The following NRXN3 variants were observed in gnomAD, a reference collection of about 807,000 sequenced individuals.
NRXN3 encodes the protein neurexin 3.
In NRXN3, 32 loss-of-function variants were observed where a neutral mutation model predicts 137.6. That is an observed-to-expected ratio of 0.23 (90% CI 0.18 to 0.31). NRXN3 has a LOEUF of 0.31. NRXN3 is among the 10% of genes least tolerant of loss of function. NRXN3 has a pLI of 1.00. For synonymous variants in NRXN3, 798 were observed against 784.5 expected, an observed-to-expected ratio of 1.02 and a Z score of -0.29; for missense variants, 1,574 against 2,062.5, an observed-to-expected ratio of 0.76 and a Z score of 4.59.
At position 78,434,291 on chromosome 14, in the gene NRXN3, G is replaced by A. The variant is rs149095706; in HGVS notation, c.757+136431G>A. 3.9e-5 allele frequency among the ~76,000 whole-genome samples: 6 copies of A among 152,258 alleles called. No individual in the cohort carries two copies. The East Asian group carries it at 1.2e-3, about 29-fold the overall frequency. ...TTGGCAAGATTGATTCCTTCTGAGG[G>A]TTGTGAGGGAGGGATCTGTTCCAGG... On this transcript the variant is annotated intron_variant, in intron 4 of 20. Coordinates refer to ENST00000335750, the MANE Select transcript of NRXN3 (RefSeq NM_001330195.2).
intron 15 of NRXN3, among the ~76,000 whole-genome samples, chr14:79,231,415 A>T (rs2072174156): frequency 6.6e-6 from 1 of 152,188 alleles, no homozygotes; most frequent in Non-Finnish European, 1.5e-5. Flanking sequence ...CAGATGAGCA[A>T]ACAGATAATT....
chr14:79,092,780 C>T (rs2049456910), intron 15 of NRXN3, among the ~76,000 whole-genome samples: 1 of 152,134 alleles, frequency 6.6e-6, no homozygotes, highest in African/African-American at 2.4e-5. Context: ...TCCCACCTTG[C>T]TCCATTGTTC....
intron 4 of NRXN3, among the ~76,000 whole-genome samples, chr14:78,329,435 C>T (rs1202097176): frequency 6.6e-6 from 1 of 152,148 alleles, no homozygotes; most frequent in Non-Finnish European, 1.5e-5. Flanking sequence ...ATGTGTAATA[C>T]TTGATCACAG....
intron 15 of NRXN3, among the ~76,000 whole-genome samples, chr14:79,176,249 C>A (rs1432186684): frequency 6.6e-6 from 1 of 152,184 alleles, no homozygotes; most frequent in Non-Finnish European, 1.5e-5. Context: ...GAATGCAAAT[C>A]TGATAATATT....
intron 20 of NRXN3, among the ~76,000 whole-genome samples, chr14:79,823,344 G>A (rs2293819): frequency 0.6 from 91,017 of 151,592 alleles, 27,739 homozygotes; most frequent in African/African-American, 0.72. Flanking sequence ...TGTAAGAATT[G>A]TATTATCAAT....
intron 15 of NRXN3, among the ~76,000 whole-genome samples, chr14:79,131,753 A>T (rs1830407742): frequency 6.6e-6 from 1 of 152,206 alleles, no homozygotes; most frequent in Admixed American, 6.5e-5. Flanking sequence ...AAGCCTGGGC[A>T]ATGGCGAGTG....
At chr14:78,751,510 C>T (rs1365104214) in intron 8 of NRXN3, among the ~76,000 whole-genome samples, 2 of 152,106 alleles carry the variant, frequency 1.3e-5, no homozygotes, top group South Asian at 2.1e-4. Context: ...TCCTATCGCT[C>T]TGTTTGTACA....
At chr14:78,968,451 A>G (rs529672317) in intron 14 of NRXN3, 105 bp downstream of exon 14, 12 of 1,032,284 alleles carry the variant, frequency 1.2e-5, no homozygotes, top group Non-Finnish European at 1.7e-5. Flanking sequence ...GTCCTGTCTC[A>G]TTCTCATTTG....
intron 15 of NRXN3, among the ~76,000 whole-genome samples, chr14:79,417,694 G>A (rs1053515631): frequency 6.6e-6 from 1 of 152,016 alleles, no homozygotes; most frequent in Non-Finnish European, 1.5e-5. Flanking sequence ...ACAATAAATC[G>A]ATTGAAACTG....
intron 4 of NRXN3, among the ~76,000 whole-genome samples, chr14:78,472,022 G>A (rs2095284735): frequency 6.6e-6 from 1 of 152,196 alleles, no homozygotes; most frequent in Non-Finnish European, 1.5e-5. Flanking sequence ...TGTAAAAGAT[G>A]GAACCTAAGC....
intron 4 of NRXN3, among the ~76,000 whole-genome samples, chr14:78,482,340 GCT>G (rs1348540096): frequency 6.6e-6 from 1 of 152,102 alleles, no homozygotes; most frequent in African/African-American, 2.4e-5. Context: ...AATGATTCTT[GCT>G]ACTTCTTGGC....
chr14:79,517,640 A>T (rs1418369712), intron 16 of NRXN3, among the ~76,000 whole-genome samples: 1 of 148,242 alleles, frequency 6.7e-6, no homozygotes, highest in East Asian at 1.9e-4. Flanking sequence ...CCTGTAGAGG[A>T]CGTGAGGTAT....
intron 20 of NRXN3, among the ~76,000 whole-genome samples, chr14:79,859,479 G>A (rs1489860862): frequency 6.6e-6 from 1 of 152,168 alleles, no homozygotes; most frequent in Non-Finnish European, 1.5e-5. Context: ...GCATCTTGAA[G>A]CATTTCCTAT....
chr14:79,723,851 T>A (rs956853861), intron 19 of NRXN3, among the ~76,000 whole-genome samples: 2 of 152,126 alleles, frequency 1.3e-5, no homozygotes, highest in Non-Finnish European at 2.9e-5. Context: ...CGGCAATCAG[T>A]GGAGCTGACA....
chr14:78,360,654 A>G lies in NRXN3; in HGVS notation c.757+62794A>G, dbSNP rs1004489008. Among the ~76,000 whole-genome samples, 6 of 152,228 alleles carry G rather than the reference A, an allele frequency of 3.9e-5. No individual in the cohort carries two copies. The South Asian group carries it at 6.2e-4, about 16-fold the overall frequency. ...GTAAGTTAATACACGTAAGGTACTT[A>G]GAACAATGCCTGCACATAGTAAGGG... On this transcript the variant is annotated intron_variant, in intron 4 of 20. Coordinates refer to ENST00000335750, the MANE Select transcript of NRXN3 (RefSeq NM_001330195.2).
intron 10 of NRXN3, among the ~76,000 whole-genome samples, chr14:78,928,303 G>A (rs2099311770): frequency 1.3e-5 from 2 of 149,982 alleles, no homozygotes; most frequent in African/African-American, 5.0e-5. Flanking sequence ...TACTTACAGG[G>A]ATTTTTTTTT....
intron 10 of NRXN3, among the ~76,000 whole-genome samples, chr14:78,918,679 G>A (rs977144408): frequency 5.9e-5 from 9 of 152,024 alleles, no homozygotes; most frequent in Non-Finnish European, 1.3e-4. Context: ...GTTCTTGACA[G>A]GCCACATATA....
rs144784496 is a variant in NRXN3 at position 78,498,038 on chromosome 14, T to C, written c.758-147082T>C. Among the ~76,000 whole-genome samples, 140 of 152,262 alleles carry C rather than the reference T, an allele frequency of 9.2e-4. 3 individuals are homozygous for C. In the East Asian group the frequency reaches 0.024, roughly 26 times the overall value. ...CAGCCTATCAAGGACCTAGTATGTG[T>C]TAAGTATTATGGAGACGGGGATATT... On this transcript the variant is annotated intron_variant, in intron 4 of 20. Transcript: ENST00000335750.
At chr14:78,586,373 G>A (rs2097062390) in intron 4 of NRXN3, among the ~76,000 whole-genome samples, 2 of 152,156 alleles carry the variant, frequency 1.3e-5, no homozygotes, top group Non-Finnish European at 2.9e-5. Flanking sequence ...AAGGAAAGAT[G>A]GTGCCAGGGT....
Sources: allele counts gnomAD v4.1 joint callset (sites outside exome capture counted in the v4.1 genomes callset), GRCh38; gene constraint gnomAD v4.1.1; transcripts MANE v1.5; gene names NCBI Gene and HGNC (gene_info 2026-07-23, HGNC 2026-07-21).